Variants in CCL18 observed in about 807,000 individuals in gnomAD.
CCL18 encodes the protein C-C motif chemokine 18.
Under a neutral mutation model 8.0 loss-of-function variants are expected in CCL18, and 7 were observed. The ratio of observed to expected loss-of-function variants is 0.87; its 90% CI spans 0.50 to 1.64. The LOEUF (loss-of-function observed/expected upper bound fraction) is 1.64, where lower values mean the gene tolerates loss of function less well. CCL18 is among the 40% of genes most tolerant of loss of function. The probability of loss-of-function intolerance (pLI) is 0.00; values close to 1 mark genes in which losing one functional copy is unlikely to be tolerated. For missense variants in CCL18, 95 were observed against 107.8 expected, an observed-to-expected ratio of 0.88 and a Z score of 0.52; for synonymous variants, 35 against 41.3, an observed-to-expected ratio of 0.85 and a Z score of 0.59.
Position 36,071,322 on chromosome 17 carries a change from A to T in CCL18, c.*281A>T, listed in dbSNP as rs545265101. On this transcript the variant is annotated 3_prime_UTR_variant, in exon 3 of 3. Coordinates refer to ENST00000616054, the MANE Select transcript of CCL18 (RefSeq NM_002988.4). Reference sequence around the variant, plus strand: ...CCCCTTTCCCTTCAACTCTTCGTACATTCAATGCATGGATCAATCAGTGTG... The same window carrying T: ...CCCCTTTCCCTTCAACTCTTCGTACTTTCAATGCATGGATCAATCAGTGTG... 2.4e-6 allele frequency: 1 copy of T among 415,646 alleles called. No individual in the cohort carries two copies. The highest frequency in any genetic ancestry group is 4.3e-6 in the Non-Finnish European group (1 of 232,062). The allele number at this position is 415,646 out of a possible 1,614,324, so 25.7% of individuals were successfully genotyped here. A position where few individuals can be genotyped will look rare whatever the true frequency, so the allele number is the denominator to read the frequency against.
In CCL18 at chr17:36,070,519, A is replaced by C; in HGVS notation, c.140A>C (p.Tyr47Ser). ...WQIPQKFIVD[Y>S]SETSPQCPKP... ...ATTCCACAAAAGTTCATAGTTGACTATTCTGAAACCAGCCCCCAGTGCCCC... is the reference window on the plus strand; with the variant it reads ...ATTCCACAAAAGTTCATAGTTGACTCTTCTGAAACCAGCCCCCAGTGCCCC... The change falls in exon 2 of 3, where the codon TAT becomes TCT. Residue 47 changes from tyrosine (Y) to serine (S), a missense_variant. Transcript: ENST00000616054. 1.2e-6 allele frequency: 2 copies of C among 1,613,988 alleles called. No individual in the cohort carries two copies. The highest frequency in any genetic ancestry group is 1.7e-6 in the Non-Finnish European group (2 of 1,179,812).
chr17:36,067,559 C>T (rs1280350413), intron 1 of CCL18, among the ~76,000 whole-genome samples: 4 of 152,010 alleles, frequency 2.6e-5, no homozygotes, highest in Admixed American at 1.3e-4. Flanking sequence ...TAGTGGTGCA[C>T]GCCTGTAGTT....
intron 1 of CCL18, among the ~76,000 whole-genome samples, chr17:36,066,759 T>C (rs1300179981): frequency 2.0e-5 from 3 of 152,246 alleles, no homozygotes; most frequent in Non-Finnish European, 4.4e-5. Context: ...TCTGACCACA[T>C]GGTGTGATGT....
chr17:36,071,100 C>A lies in CCL18; in HGVS notation c.*59C>A. 8.0e-7 allele frequency: 1 copy of A among 1,254,656 alleles called. No individual in the cohort carries two copies. Among genetic ancestry groups the A allele is most frequent in the Non-Finnish European group, 1.2e-6 (1 of 868,742 alleles). 77.7% of individuals were successfully genotyped at this position (1,254,656 alleles called of 1,614,324 possible). On this transcript the variant is annotated 3_prime_UTR_variant, in exon 3 of 3. Transcript: ENST00000616054. ...GGTGGGCCCAGGAGGGAACAGGAGC[C>A]TGAGCCAGGGCAATGGCCCTGCCAC...
rs2066826429 is a variant in CCL18, at chr17:36,064,383, C to T, written c.41C>T (p.Thr14Ile). 6.2e-7 allele frequency: 1 copy of T among 1,614,014 alleles called. No homozygotes were observed. Among genetic ancestry groups the T allele is most frequent in the East Asian group, 2.2e-5 (1 of 44,886 alleles). Reference protein sequence around the residue: ...LAAALLVLVCTMALCSCAQVG... With the variant: ...LAAALLVLVCIMALCSCAQVG... The stretch of plus-strand genomic sequence containing the variant: ...GCTGCCCTCCTTGTCCTCGTCTGCA[C>T]CATGGCCCTCTGCTCCTGTGCACAA... Residue 14 changes from threonine (T) to isoleucine (I), a missense_variant, in exon 1 of 3, where the codon ACC becomes ATC. Coordinates refer to ENST00000616054, the MANE Select transcript of CCL18 (RefSeq NM_002988.4).
In CCL18 at chr17:36,071,463, A is replaced by G. The variant is rs2066866400; in HGVS notation, c.*422A>G. 6.3e-6 allele frequency: 1 copy of G among 157,726 alleles called. No individual in the cohort carries two copies. Among genetic ancestry groups the G allele is most frequent in the Non-Finnish European group, 1.4e-5 (1 of 71,512 alleles). 9.8% of individuals were successfully genotyped at this position (157,726 alleles called of 1,614,324 possible). ...GCAGTACTTATTATATAAAAGGTAA[A>G]CCAGCATTCTCACTGTGACGACTCT... On this transcript the variant is annotated 3_prime_UTR_variant, in exon 3 of 3. Transcript: ENST00000616054.
intron 1 of CCL18, among the ~76,000 whole-genome samples, chr17:36,066,374 G>A (rs2066837058): frequency 6.6e-6 from 1 of 152,198 alleles, no homozygotes; most frequent in South Asian, 2.1e-4. Flanking sequence ...GGCAGGCAGA[G>A]GAGTGTAGGC....
At chr17:36,066,494 G>A (rs547295078) in intron 1 of CCL18, among the ~76,000 whole-genome samples, 2 of 152,332 alleles carry the variant, frequency 1.3e-5, no homozygotes, top group South Asian at 4.1e-4. Flanking sequence ...TGGAGACTGG[G>A]GATGACCAGA....
chr17:36,066,113 G>C (rs772610658), intron 1 of CCL18, among the ~76,000 whole-genome samples: 9 of 152,184 alleles, frequency 5.9e-5, no homozygotes, highest in East Asian at 5.8e-4. Flanking sequence ...ATCTAGGTTA[G>C]ATATCTAAGT....
At chr17:36,065,496 C>T (rs1035711464) in intron 1 of CCL18, among the ~76,000 whole-genome samples, 1 of 152,092 alleles carries the variant, frequency 6.6e-6, no homozygotes, top group African/African-American at 2.4e-5. Context: ...CCTCCATATG[C>T]CCTATTTGCA....
chr17:36,067,434 C>T (rs2066843267), intron 1 of CCL18, among the ~76,000 whole-genome samples: 1 of 152,158 alleles, frequency 6.6e-6, no homozygotes, highest in African/African-American at 2.4e-5. Flanking sequence ...CACCTGTAAT[C>T]CTAGCACTTT....
intron 1 of CCL18, among the ~76,000 whole-genome samples, chr17:36,068,841 C>A (rs1006503705): frequency 6.6e-6 from 1 of 152,062 alleles, no homozygotes; most frequent in Non-Finnish European, 1.5e-5. Flanking sequence ...GGGAGGACCA[C>A]CTGTTTAAAT....
intron 1 of CCL18, among the ~76,000 whole-genome samples, chr17:36,069,982 G>C (rs2066857067): frequency 6.6e-6 from 1 of 152,136 alleles, no homozygotes; most frequent in Non-Finnish European, 1.5e-5. Flanking sequence ...TTCCTAAGAG[G>C]TTTCAGCAAC....
At chr17:36,070,790 A>G (rs2066861412) in intron 2 of CCL18, among the ~76,000 whole-genome samples, 161 bp from the exon 3 acceptor site, 1 of 152,210 alleles carries the variant, frequency 6.6e-6, no homozygotes, top group Non-Finnish European at 1.5e-5. Flanking sequence ...GAGGAACCCC[A>G]TCTGAGACAT....
chr17:36,069,442 T>A (rs72831789), intron 1 of CCL18, among the ~76,000 whole-genome samples: 10,474 of 152,188 alleles, frequency 0.069, 508 homozygotes, highest in Non-Finnish European at 0.1. Context: ...ATTAAAAAAT[T>A]TTCCCCTTCA....
chr17:36,066,846 C>T (rs868568393), intron 1 of CCL18, among the ~76,000 whole-genome samples: 3 of 152,166 alleles, frequency 2.0e-5, no homozygotes, highest in Non-Finnish European at 4.4e-5. Flanking sequence ...ACCATTACAT[C>T]GTGTTAATCG....
At chr17:36,065,392 C>G (rs746250698) in intron 1 of CCL18, among the ~76,000 whole-genome samples, 4 of 152,174 alleles carry the variant, frequency 2.6e-5, no homozygotes, top group Non-Finnish European at 5.9e-5. Flanking sequence ...ATTTTACCTT[C>G]ATTTTACCTT....
At chr17:36,069,124 G>A (rs1405003297) in intron 1 of CCL18, among the ~76,000 whole-genome samples, 1 of 152,180 alleles carries the variant, frequency 6.6e-6, no homozygotes, top group Non-Finnish European at 1.5e-5. Flanking sequence ...CCAAATGCTG[G>A]GATTACAGGC....
At chr17:36,070,792 C>G (rs1215009540) in intron 2 of CCL18, among the ~76,000 whole-genome samples, 159 bp from the exon 3 acceptor site, 1 of 152,244 alleles carries the variant, frequency 6.6e-6, no homozygotes, top group African/African-American at 2.4e-5. Flanking sequence ...GGAACCCCAT[C>G]TGAGACATTT....
Sources: allele counts gnomAD v4.1 joint callset (sites outside exome capture counted in the v4.1 genomes callset), GRCh38; gene constraint gnomAD v4.1.1; transcripts MANE v1.5; gene names NCBI Gene and HGNC (gene_info 2026-07-23, HGNC 2026-07-21).